Variants in MB observed in about 807,000 individuals in gnomAD.
The protein encoded by MB is myoglobin, also known as nitrite reductase MB.
In MB, 10 loss-of-function variants were observed where a neutral mutation model predicts 14.5. The ratio of observed to expected loss-of-function variants is 0.69; its 90% CI spans 0.43 to 1.17. The LOEUF (loss-of-function observed/expected upper bound fraction) is 1.17. MB is among the 50% of genes most tolerant of loss of function. The pLI is 0.00. For synonymous variants in MB, 89 were observed against 78.6 expected (o/e 1.13, Z -0.70); for missense variants, 169 against 192.7 (o/e 0.88, Z 0.73).
intron 1 of MB, among the ~76,000 whole-genome samples, chr22:35,615,878 G>A (rs1005656419): frequency 4.6e-5 from 7 of 152,148 alleles, no homozygotes; most frequent in African/African-American, 9.7e-5. Flanking sequence ...AACACACTAC[G>A]ATGCCATTAC....
At chr22:35,617,595 T>C (rs1601847163), upstream of MB, 2 of 253,288 alleles carry the variant, frequency 7.9e-6, no homozygotes, top group East Asian at 2.0e-4. Flanking sequence ...CTGTCTGGAC[T>C]CTCATAGCCG....
At chr22:35,614,366 T>A (rs1406818982) in intron 1 of MB, among the ~76,000 whole-genome samples, 1 of 152,032 alleles carries the variant, frequency 6.6e-6, no homozygotes, top group Non-Finnish European at 1.5e-5. Flanking sequence ...GGCGGGCAGA[T>A]CACCTGAGGT....
intron 1 of MB, among the ~76,000 whole-genome samples, chr22:35,622,805 G>C (rs567996829): frequency 6.9e-6 from 1 of 145,322 alleles, no homozygotes; most frequent in African/African-American, 2.6e-5. Flanking sequence ...GACCAGCCCC[G>C]CCTCCACAGT....
At chr22:35,619,011 A>G (rs1923293933), upstream of MB, among the ~76,000 whole-genome samples, 1 of 149,716 alleles carries the variant, frequency 6.7e-6, no homozygotes, top group East Asian at 2.0e-4. Context: ...CCATCCATCT[A>G]TCCATCCATC....
At chr22:35,607,674 C>T (rs182619887) in intron 2 of MB, among the ~76,000 whole-genome samples, 13 of 152,162 alleles carry the variant, frequency 8.5e-5, no homozygotes, top group Non-Finnish European at 1.6e-4. Context: ...GAAACTGAGG[C>T]GAGGGGAGGT....
chr22:35,618,283 G>T (rs1389362290), upstream of MB, among the ~76,000 whole-genome samples: 1 of 152,200 alleles, frequency 6.6e-6, no homozygotes, highest in Non-Finnish European at 1.5e-5. Context: ...TTTTCAGGAG[G>T]GCAGGAGCTC....
At chr22:35,615,723 G>A (rs1052088536) in intron 1 of MB, 1 of 152,260 alleles carries the variant, frequency 6.6e-6, no homozygotes, top group African/African-American at 2.4e-5. Context: ...CCCAGAGGTG[G>A]AGAGACTTGT....
At chr22:35,614,704 T>C (rs767173745) in intron 1 of MB, among the ~76,000 whole-genome samples, 1 of 150,298 alleles carries the variant, frequency 6.7e-6, no homozygotes, top group South Asian at 2.1e-4. Flanking sequence ...GAATAAATGG[T>C]TGCTGTCTTT....
chr22:35,619,327 T>C (rs999525207), upstream of MB, among the ~76,000 whole-genome samples: 4 of 152,206 alleles, frequency 2.6e-5, no homozygotes, highest in Admixed American at 6.5e-5. Context: ...CATCTAATCT[T>C]TACAACACCT....
upstream of MB, among the ~76,000 whole-genome samples, chr22:35,620,729 C>T (rs918863105): frequency 5.3e-5 from 8 of 152,186 alleles, no homozygotes; most frequent in African/African-American, 1.2e-4. Context: ...TGTGCCCTCC[C>T]GAGAGTGTCA....
At chr22:35,621,652 C>A (rs1460843306), upstream of MB, among the ~76,000 whole-genome samples, 4 of 152,174 alleles carry the variant, frequency 2.6e-5, no homozygotes, top group South Asian at 6.2e-4. Context: ...CTTTAAAAAT[C>A]CTTTTTTATG....
rs1212550246 is a variant in MB, at chr22:35,607,372, C to G, written c.390G>C (p.Gly130=). Residue 130 remains glycine (G), a synonymous_variant, in exon 3 of 3, where the codon GGG becomes GGC. Coordinates refer to ENST00000397326, the MANE Select transcript of MB (RefSeq NM_005368.3). ...ACAGCTCCAGGGCCTTGTTCATGGCCCCCTGGGCATCAGCACCAAAGTCCC... is the reference window on the plus strand; with the variant it reads ...ACAGCTCCAGGGCCTTGTTCATGGCGCCCTGGGCATCAGCACCAAAGTCCC... ...HPGDFGADAQ[G]AMNKALELFR... The G allele has an allele frequency of 1.2e-6, 2 of 1,614,186 alleles. No individual in the cohort carries two copies. Among genetic ancestry groups the G allele is most frequent in the Non-Finnish European group, 1.7e-6 (2 of 1,180,014 alleles).
At chr22:35,616,277 A>G (rs1164385207) in intron 1 of MB, among the ~76,000 whole-genome samples, 1 of 152,188 alleles carries the variant, frequency 6.6e-6, no homozygotes, top group Non-Finnish European at 1.5e-5. Flanking sequence ...GGCAACGAGG[A>G]GATGAGCTTC....
chr22:35,619,044 C>G (rs1315722576), upstream of MB, among the ~76,000 whole-genome samples: 1 of 151,884 alleles, frequency 6.6e-6, no homozygotes, highest in African/African-American at 2.4e-5. Context: ...CTCCATCTAT[C>G]CTTCTATCCA....
At chr22:35,611,192 C>A (rs1239827059) in intron 1 of MB, 86 bp from the exon 2 acceptor site, 1 of 908,692 alleles carries the variant, frequency 1.1e-6, no homozygotes, top group African/African-American at 1.6e-5. Context: ...AGTTTAGCTC[C>A]CTGTCTTCCC....
At chr22:35,612,523 C>A (rs1922711535) in intron 1 of MB, among the ~76,000 whole-genome samples, 1 of 152,170 alleles carries the variant, frequency 6.6e-6, no homozygotes, top group African/African-American at 2.4e-5. Context: ...CAGAATTCTC[C>A]ATGTTAGGCA....
At chr22:35,619,675 T>C (rs903003037), upstream of MB, among the ~76,000 whole-genome samples, 1 of 152,208 alleles carries the variant, frequency 6.6e-6, no homozygotes, top group Non-Finnish European at 1.5e-5. Context: ...TTGGTAAGAA[T>C]TGGACAAATA....
upstream of MB, among the ~76,000 whole-genome samples, chr22:35,618,628 C>T (rs895383980): frequency 2.0e-5 from 3 of 151,834 alleles, no homozygotes; most frequent in Non-Finnish European, 2.9e-5. Flanking sequence ...TCCATCTATC[C>T]GACATCCCTT....
At chr22:35,620,811 G>T (rs575280390), upstream of MB, among the ~76,000 whole-genome samples, 3 of 152,266 alleles carry the variant, frequency 2.0e-5, no homozygotes, top group African/African-American at 7.2e-5. Flanking sequence ...CCCGTCTCTG[G>T]CCTCCTGAGT....
Sources: gnomAD v4.1 joint callset for allele counts (sites outside exome capture counted in the v4.1 genomes callset) on GRCh38, gnomAD v4.1.1 for gene constraint, MANE v1.5 for transcripts, NCBI Gene and HGNC (gene_info 2026-07-23, HGNC 2026-07-21) for gene names.